The following ZNF331 variants were observed in gnomAD, a reference collection of about 807,000 sequenced individuals.
ZNF331 encodes zinc finger protein 331, also known as C2H2-like zinc finger protein rearranged in thyroid adenomas.
A neutral mutation model predicts 7.0 loss-of-function variants in ZNF331; 2 were observed. The ratio of observed to expected loss-of-function variants is 0.29; its 90% CI spans 0.12 to 0.90. The LOEUF (loss-of-function observed/expected upper bound fraction) is 0.90, where lower values mean the gene tolerates loss of function less well. ZNF331 is among the 40% of genes least tolerant of loss of function. The pLI is 0.58. For missense variants in ZNF331, 432 were observed against 587.7 expected (o/e 0.74, Z 2.74); for synonymous variants, 196 against 205.4 (o/e 0.95, Z 0.39).
At chr19:53,568,849 C>CTTTTTT (rs537822108) in intron 3 of ZNF331, among the ~76,000 whole-genome samples, 1 of 77,104 alleles carries the variant, frequency 1.3e-5, no homozygotes, top group Non-Finnish European at 2.3e-5. Flanking sequence ...CCATGATACT[C>CTTTTTT]TTTTTTTTTT....
At chr19:53,564,868 C>T (rs2090080567) in intron 3 of ZNF331, among the ~76,000 whole-genome samples, 1 of 152,104 alleles carries the variant, frequency 6.6e-6, no homozygotes, top group Admixed American at 6.6e-5. Context: ...TACAAAAGAC[C>T]ACTGTCTAGT....
At chr19:53,504,264 C>T in the ZNF331 span, 2 of 299,128 alleles carry the variant, frequency 6.7e-6, no homozygotes, top group South Asian at 6.3e-5. Context: ...TGTATCCAAG[C>T]TTTGCTTTGC....
intron 2 of ZNF331, chr19:53,523,272 G>T (rs1340193775): frequency 6.6e-6 from 1 of 151,126 alleles, no homozygotes; most frequent in Non-Finnish European, 1.5e-5. Context: ...AGGCTGGAGT[G>T]CAATGGCATG....
intron 2 of ZNF331, among the ~76,000 whole-genome samples, chr19:53,540,818 C>A (rs2088109875): frequency 2.0e-5 from 3 of 152,114 alleles, no homozygotes; most frequent in Admixed American, 2.0e-4. Flanking sequence ...CTTCTTCCAT[C>A]ATCAAAGCTG....
At chr19:53,540,208 A>AC (rs2088047882) in intron 2 of ZNF331, among the ~76,000 whole-genome samples, 1 of 152,318 alleles carries the variant, frequency 6.6e-6, no homozygotes, top group South Asian at 2.1e-4. Flanking sequence ...GTAACAAAGT[A>AC]CCATAGACCG....
rs1320162122 is a variant in ZNF331 at position 53,558,438 on chromosome 19, C to A, written c.-74+2530C>A. On this transcript the variant is annotated intron_variant, in intron 3 of 5. Coordinates refer to ENST00000449416, the MANE Select transcript of ZNF331 (RefSeq NM_001079906.2). The surrounding 1 kb of genome is among the most constrained non-coding windows in gnomAD (Gnocchi z 4.5). ...CCAGAAGCTCTCCTCACCCTGTCTTCTTAGGCCTTTTATGGAGACTTCATT... is the reference window on the plus strand; with the variant it reads ...CCAGAAGCTCTCCTCACCCTGTCTTATTAGGCCTTTTATGGAGACTTCATT... Among the ~76,000 whole-genome samples, 1 of 152,074 alleles carries A rather than the reference C, an allele frequency of 6.6e-6. No homozygotes were observed. Among genetic ancestry groups the A allele is most frequent in the Non-Finnish European group, 1.5e-5 (1 of 68,002 alleles).
chr19:53,550,904 G>T (rs2088962801), intron 2 of ZNF331, among the ~76,000 whole-genome samples: 1 of 146,312 alleles, frequency 6.8e-6, no homozygotes, highest in Non-Finnish European at 1.5e-5. Flanking sequence ...AGTCTGGAGT[G>T]CAAGGTGCAA....
At chr19:53,551,815 G>T (rs570844826) in intron 2 of ZNF331, among the ~76,000 whole-genome samples, 2 of 152,260 alleles carry the variant, frequency 1.3e-5, no homozygotes, top group Admixed American at 6.5e-5. Flanking sequence ...TGTACAGGAG[G>T]ATGTGGATAG....
intron 2 of ZNF331, among the ~76,000 whole-genome samples, chr19:53,550,028 AT>A (rs1267297005): frequency 6.6e-6 from 1 of 152,136 alleles, no homozygotes; most frequent in African/African-American, 2.4e-5. Context: ...ATATCCACAT[AT>A]TTTTTGATTT....
chr19:53,536,067 GTGC>G (rs2087735873), upstream of ZNF331, among the ~76,000 whole-genome samples: 3 of 152,164 alleles, frequency 2.0e-5, no homozygotes, highest in Admixed American at 2.0e-4. Flanking sequence ...GCTTCCCAAA[GTGC>G]TGGGATTACA....
At chr19:53,516,710 A>C (rs1331542669), upstream of ZNF331, among the ~76,000 whole-genome samples, 1 of 152,188 alleles carries the variant, frequency 6.6e-6, no homozygotes. Flanking sequence ...CCAGGCCCCT[A>C]AACAGCACAA....
chr19:53,577,489 G>C lies in ZNF331; in HGVS notation c.929G>C (p.Arg310Pro). Residue 310 changes from arginine to proline, a missense_variant, in exon 6 of 6, where the codon CGA becomes CCA. Arg to Pro is a moderately radical substitution (Grantham distance 103). Transcript: ENST00000449416. ...CAAGAATGTGGGAAGGCCTTTACTC[G>C]AGTCAATTACCTTACTCAGCATCAG... ...ECQECGKAFT[R>P]VNYLTQHQKI... 1 of 1,612,738 alleles carries C rather than the reference G, an allele frequency of 6.2e-7. No homozygotes were observed. The highest frequency in any genetic ancestry group is 8.5e-7 in the Non-Finnish European group (1 of 1,178,980).
chr19:53,533,558 A>G (rs1309879916), upstream of ZNF331, among the ~76,000 whole-genome samples: 1 of 152,180 alleles, frequency 6.6e-6, no homozygotes, highest in Non-Finnish European at 1.5e-5. Flanking sequence ...TTTCTGCTGA[A>G]TAAGTTGTCC....
chr19:53,566,952 C>T (rs569573296), intron 3 of ZNF331, among the ~76,000 whole-genome samples: 14 of 152,046 alleles, frequency 9.2e-5, no homozygotes, highest in Non-Finnish European at 1.6e-4. Flanking sequence ...CCTCTCTCTC[C>T]ATATATATAC....
upstream of ZNF331, chr19:53,520,972 C>G (rs542333291): frequency 2.0e-5 from 3 of 152,436 alleles, no homozygotes; most frequent in East Asian, 5.8e-4. Flanking sequence ...GGGCGCCCTT[C>G]CAGCTGCGTC....
At chr19:53,552,784 T>G (rs938094401) in intron 2 of ZNF331, among the ~76,000 whole-genome samples, 2 of 152,140 alleles carry the variant, frequency 1.3e-5, no homozygotes, top group African/African-American at 2.4e-5. Context: ...GGATTCAGGA[T>G]CAGTGTAATG....
In ZNF331 at chr19:53,557,098, C is replaced by T. The variant is rs143556365; in HGVS notation, c.-74+1190C>T. The stretch of plus-strand genomic sequence containing the variant: ...TCGGCCTCCCAAAGTGCTGGGATTA[C>T]AGGCGTGAGGCGCCACACCCAGCCA... On this transcript the variant is annotated intron_variant, in intron 3 of 5. Transcript: ENST00000449416. 1.0e-2 allele frequency among the ~76,000 whole-genome samples: 1,492 copies of T among 149,372 alleles called. 30 individuals are homozygous for T. Among genetic ancestry groups the T allele is most frequent in the African/African-American group, 0.035 (1,410 of 40,644 alleles).
At chr19:53,530,003 C>T (rs1045808442) in intron 2 of ZNF331, among the ~76,000 whole-genome samples, 13 of 152,156 alleles carry the variant, frequency 8.5e-5, no homozygotes, top group South Asian at 2.1e-4. Context: ...TATATTGGCT[C>T]ATGCTTCTGA....
Position 53,540,497 on chromosome 19 carries a change from A to G in ZNF331, c.-138+1215A>G, listed in dbSNP as rs144752092. On this transcript the variant is annotated intron_variant, in intron 2 of 5. Transcript: ENST00000449416. Reference sequence around the variant, plus strand: ...GCCCATGCTGGAGCGCAGTGGCACAATCTTGGCTCACTGCAACCTCCACCT... The same window carrying G: ...GCCCATGCTGGAGCGCAGTGGCACAGTCTTGGCTCACTGCAACCTCCACCT... 2.4e-3 allele frequency among the ~76,000 whole-genome samples: 367 copies of G among 151,424 alleles called. 1 individual carries two copies. The highest frequency in any genetic ancestry group is 8.7e-3 in the African/African-American group (356 of 40,814).
Sources: allele counts gnomAD v4.1 joint callset (sites outside exome capture counted in the v4.1 genomes callset), GRCh38; gene constraint gnomAD v4.1.1; non-coding constraint Gnocchi (gnomAD v3.1); transcripts MANE v1.5; gene names NCBI Gene and HGNC (gene_info 2026-07-23, HGNC 2026-07-21).